Variants in TENM3 observed in about 807,000 individuals in gnomAD.
TENM3 encodes teneurin-3.
Under a neutral mutation model 255.1 loss-of-function variants are expected in TENM3, and 63 were observed. The observed-to-expected ratio is 0.25, with a 90% CI of 0.20 to 0.30. The LOEUF is 0.30. Among genes scored for constraint, TENM3 ranks in the 10% least tolerant of loss-of-function variants. The probability of loss-of-function intolerance (pLI) is 1.00; values close to 1 mark genes in which losing one functional copy is unlikely to be tolerated. For missense variants in TENM3, 2,929 were observed against 3,461.1 expected (o/e 0.85, Z 3.86); for synonymous variants, 1,306 against 1,322.3 (o/e 0.99, Z 0.27).
the TENM3 span, among the ~76,000 whole-genome samples, chr4:181,638,362 A>G: frequency 2.6e-5 from 4 of 152,352 alleles, 1 homozygote; most frequent in South Asian, 8.3e-4. Flanking sequence ...TAAGGCCGTG[A>G]AAGTTGTGAA....
At chr4:182,413,620 A>T (rs987787220) in intron 3 of TENM3, among the ~76,000 whole-genome samples, 10 of 152,138 alleles carry the variant, frequency 6.6e-5, no homozygotes, top group African/African-American at 2.4e-4. Context: ...TGTCTCAAAA[A>T]AAAAAACCAC....
At chr4:182,073,137 A>G in the TENM3 span, among the ~76,000 whole-genome samples, 1 of 152,226 alleles carries the variant, frequency 6.6e-6, no homozygotes, top group African/African-American at 2.4e-5. Context: ...GAAACTTACA[A>G]TCATGGCAGG....
At chr4:182,293,425 A>C (rs922852052) in intron 1 of TENM3, among the ~76,000 whole-genome samples, 1 of 152,162 alleles carries the variant, frequency 6.6e-6, no homozygotes, top group Non-Finnish European at 1.5e-5. Flanking sequence ...CCTTACGTGG[A>C]ATTCACTTAC....
intron 3 of TENM3, among the ~76,000 whole-genome samples, chr4:182,467,908 A>G (rs2045409): frequency 0.75 from 114,683 of 152,016 alleles, 44,467 homozygotes; most frequent in East Asian, 0.92. Context: ...CTTCAATCTG[A>G]TATTTTGTAG....
the TENM3 span, among the ~76,000 whole-genome samples, chr4:181,475,423 C>G: frequency 6.6e-6 from 1 of 152,146 alleles, no homozygotes; most frequent in Non-Finnish European, 1.5e-5. Flanking sequence ...ATTCCTAAAC[C>G]TGTCCTTTTG....
At chr4:182,675,894 A>G (rs1364120575) in intron 7 of TENM3, among the ~76,000 whole-genome samples, 2 of 152,360 alleles carry the variant, frequency 1.3e-5, no homozygotes, top group East Asian at 1.9e-4. Flanking sequence ...TCCTTCTAGT[A>G]TTTAAACACA....
chr4:181,857,627 G>A, the TENM3 span, among the ~76,000 whole-genome samples: 1 of 150,122 alleles, frequency 6.7e-6, no homozygotes, highest in Non-Finnish European at 1.5e-5. Context: ...GCATAGTGGT[G>A]TGCACCTGTA....
At chr4:181,832,528 A>G in the TENM3 span, among the ~76,000 whole-genome samples, 3 of 152,208 alleles carry the variant, frequency 2.0e-5, no homozygotes, top group Admixed American at 6.5e-5. Context: ...CTCCACCTCC[A>G]TAAACCAGCA....
intron 1 of TENM3, among the ~76,000 whole-genome samples, chr4:182,295,097 T>G (rs1247633810): frequency 6.6e-6 from 1 of 152,202 alleles, no homozygotes; most frequent in Non-Finnish European, 1.5e-5. Context: ...TTTATGTGAA[T>G]GCTAAATGAT....
chr4:181,910,617 CGTGTGTGTGTGTAT>C, the TENM3 span, among the ~76,000 whole-genome samples: 1 of 143,058 alleles, frequency 7.0e-6, no homozygotes, highest in Non-Finnish European at 1.5e-5. Context: ...TATAAATACA[CGTGTGTGTGTGTAT>C]GTGTGTGTGT....
At chr4:181,659,749 C>T in the TENM3 span, among the ~76,000 whole-genome samples, 12,551 of 152,114 alleles carry the variant, frequency 0.083, 667 homozygotes, top group East Asian at 0.14. Flanking sequence ...GAAGGTTTCC[C>T]CTTAGCCCCA....
the TENM3 span, among the ~76,000 whole-genome samples, chr4:181,940,947 G>A: frequency 3.3e-5 from 5 of 152,172 alleles, no homozygotes; most frequent in Admixed American, 3.3e-4. Context: ...TTTGAGGATA[G>A]ACCCATCTGA....
the TENM3 span, among the ~76,000 whole-genome samples, chr4:181,789,539 G>C: frequency 6.6e-6 from 1 of 151,916 alleles, no homozygotes; most frequent in African/African-American, 2.4e-5. Flanking sequence ...TTACAGGCGT[G>C]AGCCACTAGA....
chr4:182,113,602 T>G, the TENM3 span, among the ~76,000 whole-genome samples: 38,979 of 152,072 alleles, frequency 0.26, 5,663 homozygotes, highest in Non-Finnish European at 0.34. Flanking sequence ...TTTCTTAAAA[T>G]ATACGCCCAC....
the TENM3 span, among the ~76,000 whole-genome samples, chr4:181,892,898 A>G: frequency 2.0e-5 from 3 of 152,222 alleles, no homozygotes; most frequent in African/African-American, 7.2e-5. Context: ...AAGATTTAAC[A>G]TTCCAGAAGA....
intron 22 of TENM3, among the ~76,000 whole-genome samples, chr4:182,762,405 C>T (rs1226559440): frequency 1.3e-5 from 2 of 151,808 alleles, no homozygotes; most frequent in South Asian, 2.1e-4. Context: ...AGATATTTAC[C>T]CTAACACTAA....
the TENM3 span, among the ~76,000 whole-genome samples, chr4:182,057,601 A>G: frequency 1.3e-5 from 2 of 151,520 alleles, no homozygotes; most frequent in East Asian, 3.9e-4. Context: ...GGTTCTCACT[A>G]TGTTGCCCAG....
intron 22 of TENM3, among the ~76,000 whole-genome samples, chr4:182,768,841 A>C (rs77905405): frequency 0.044 from 6,682 of 152,246 alleles, 210 homozygotes; most frequent in Middle Eastern, 0.12. Flanking sequence ...GAGCCTGAGG[A>C]AGTTTGTCCT....
the TENM3 span, among the ~76,000 whole-genome samples, chr4:182,069,614 G>A: frequency 6.6e-6 from 1 of 151,946 alleles, no homozygotes; most frequent in Non-Finnish European, 1.5e-5. Flanking sequence ...TATACACCAA[G>A]TAAATGTCAG....
Sources: gnomAD v4.1 joint callset for allele counts (sites outside exome capture counted in the v4.1 genomes callset) on GRCh38, gnomAD v4.1.1 for gene constraint, MANE v1.5 for transcripts, NCBI Gene and HGNC (gene_info 2026-07-23, HGNC 2026-07-21) for gene names.